The following EBF1 variants were observed in gnomAD, a reference collection of about 807,000 sequenced individuals.
EBF1 encodes transcription factor COE1.
EBF1 carries 10 observed loss-of-function variants against 68.4 expected under a neutral mutation model. The ratio of observed to expected loss-of-function variants is 0.15; its 90% CI spans 0.09 to 0.25. EBF1 has a LOEUF of 0.25. Among genes scored for constraint, EBF1 ranks in the 10% least tolerant of loss-of-function variants. The pLI is 1.00. For missense variants in EBF1, 509 were observed against 794.4 expected (o/e 0.64, Z 4.32); for synonymous variants, 298 against 299.8 (o/e 0.99, Z 0.06).
At chr5:158,790,530 AG>A (rs763059477) in intron 9 of EBF1, among the ~76,000 whole-genome samples, 10 of 152,308 alleles carry the variant, frequency 6.6e-5, no homozygotes, top group Non-Finnish European at 1.3e-4. Context: ...CCTTCACAAA[AG>A]TTTGGGACAT....
At chr5:158,923,581 G>C (rs767829673) in intron 6 of EBF1, among the ~76,000 whole-genome samples, 8 of 152,212 alleles carry the variant, frequency 5.3e-5, no homozygotes, top group Non-Finnish European at 8.8e-5. Flanking sequence ...AAGAATGAAA[G>C]TGCTGGGTGG....
At chr5:158,867,916 T>G (rs764419789) in intron 6 of EBF1, among the ~76,000 whole-genome samples, 24 of 152,242 alleles carry the variant, frequency 1.6e-4, no homozygotes, top group African/African-American at 4.3e-4. Context: ...TGCCTTCATT[T>G]GTTTTTTCTA....
intron 6 of EBF1, among the ~76,000 whole-genome samples, chr5:158,864,482 G>A (rs916231990): frequency 2.6e-5 from 4 of 152,118 alleles, no homozygotes; most frequent in East Asian, 1.9e-4. Context: ...GATCCATTCC[G>A]CAGTGTCCCT....
At chr5:158,990,819 G>A (rs766208081) in intron 6 of EBF1, among the ~76,000 whole-genome samples, 3 of 152,134 alleles carry the variant, frequency 2.0e-5, no homozygotes, top group African/African-American at 7.2e-5. Context: ...GTGATCTGTC[G>A]AGGCTCTTTA....
intron 6 of EBF1, among the ~76,000 whole-genome samples, chr5:158,875,064 C>T (rs1797586400): frequency 1.3e-5 from 2 of 151,076 alleles, no homozygotes; most frequent in African/African-American, 2.4e-5. Flanking sequence ...CATACACACA[C>T]ACACACACAC....
intron 11 of EBF1, among the ~76,000 whole-genome samples, chr5:158,717,136 T>C (rs997940229): frequency 6.6e-6 from 1 of 152,250 alleles, no homozygotes; most frequent in African/African-American, 2.4e-5. Flanking sequence ...ATGTATTGAT[T>C]AAATTTGTAA....
intron 9 of EBF1, among the ~76,000 whole-genome samples, chr5:158,792,357 T>C (rs1778802470): frequency 6.6e-6 from 1 of 152,168 alleles, no homozygotes. Flanking sequence ...AGCAATAAAG[T>C]GCCCCTTTCT....
intron 6 of EBF1, among the ~76,000 whole-genome samples, chr5:158,882,726 T>C (rs543612470): frequency 2.2e-4 from 34 of 152,314 alleles, no homozygotes; most frequent in Non-Finnish European, 1.5e-5. Flanking sequence ...GGAAAGATGG[T>C]AGTCTTTTAA....
rs531692006 is a variant in EBF1 at position 158,798,599 on chromosome 5, A to G, written c.779-2124T>C. Among the ~76,000 whole-genome samples the G allele has an allele frequency of 5.3e-5, 8 of 152,064 alleles. No individual in the cohort carries two copies. The South Asian group carries it at 1.5e-3, about 28-fold the overall frequency. ...CTTGACCCCTTCCCTCTTTTTTCCC[A>G]CTTGTTATACGTAGGATACAGAAGT... On this transcript the variant is annotated intron_variant, in intron 8 of 15. Coordinates refer to ENST00000313708, the MANE Select transcript of EBF1 (RefSeq NM_024007.5).
intron 10 of EBF1, among the ~76,000 whole-genome samples, chr5:158,765,519 G>A (rs757690110): frequency 1.3e-5 from 2 of 152,144 alleles, no homozygotes; most frequent in Non-Finnish European, 2.9e-5. Context: ...GCTAACCACC[G>A]AGGCTGATCC....
At chr5:158,958,676 G>A (rs1817602590) in intron 6 of EBF1, among the ~76,000 whole-genome samples, 1 of 152,012 alleles carries the variant, frequency 6.6e-6, no homozygotes, top group African/African-American at 2.4e-5. Flanking sequence ...TGGTATTATT[G>A]CTTTGCGAAG....
At chr5:159,091,910 CTTTTGTTT>C (rs1481958546) in intron 4 of EBF1, among the ~76,000 whole-genome samples, 9 of 152,152 alleles carry the variant, frequency 5.9e-5, no homozygotes, top group Non-Finnish European at 1.3e-4. Flanking sequence ...CTCAAGCAGG[CTTTTGTTT>C]AGGGGAAGAG....
rs1447536963 is a variant in EBF1, at chr5:158,840,129, T to C, written c.555-19A>G. 1 of 1,601,504 alleles carries C rather than the reference T, an allele frequency of 6.2e-7. No individual in the cohort carries two copies. The highest frequency in any genetic ancestry group is 1.3e-5 in the African/African-American group (1 of 74,604). The stretch of plus-strand genomic sequence containing the variant: ...GAAGAACCTGTGAAGAAACAAATCA[T>C]CATGGTTAGCATTTCGGTTTCTGAC... On this transcript the variant is annotated intron_variant, in intron 6 of 15. Transcript: ENST00000313708.
rs1775219329 is a variant in EBF1, at chr5:158,776,236, CAAACCTGCAT to C, written c.1036+1167_1036+1176del. Among the ~76,000 whole-genome samples the C allele has an allele frequency of 2.6e-5, 4 of 152,048 alleles. No individual in the cohort carries two copies. In the South Asian group the frequency reaches 8.3e-4, roughly 32 times the overall value. ...CTAAAACTAATCGTCAGGCAGGCAC[CAAACCTGCAT>C]TTTGTTTAAAGGGCTGGGAGGCATT... On this transcript the variant is annotated intron_variant, in intron 10 of 15. Transcript: ENST00000313708.
At chr5:159,063,967 C>G (rs181839369) in intron 6 of EBF1, among the ~76,000 whole-genome samples, 1 of 152,172 alleles carries the variant, frequency 6.6e-6, no homozygotes, top group African/African-American at 2.4e-5. Context: ...GGAACTGGAT[C>G]CCTTAGCCAA....
intron 6 of EBF1, among the ~76,000 whole-genome samples, chr5:159,045,914 T>G (rs573902312): frequency 6.6e-6 from 1 of 152,172 alleles, no homozygotes; most frequent in South Asian, 2.1e-4. Context: ...ACAGTTCACC[T>G]TGATTCTCTT....
intron 6 of EBF1, among the ~76,000 whole-genome samples, chr5:158,867,623 G>A (rs905711019): frequency 3.5e-5 from 5 of 143,992 alleles, no homozygotes; most frequent in Admixed American, 2.8e-4. Context: ...TCACAGCTCT[G>A]TGGGCTGAGT....
At chr5:158,826,658 G>A (rs140388163) in intron 7 of EBF1, among the ~76,000 whole-genome samples, 15 of 152,240 alleles carry the variant, frequency 9.9e-5, no homozygotes, top group African/African-American at 3.4e-4. Flanking sequence ...TCTTAATGTG[G>A]CAATCTAGAG....
chr5:158,839,547 A>T (rs1789691867), intron 7 of EBF1, among the ~76,000 whole-genome samples: 1 of 151,874 alleles, frequency 6.6e-6, no homozygotes, highest in Non-Finnish European at 1.5e-5. Flanking sequence ...ACATCCAGCT[A>T]ATTTTTGTAT....
Sources: allele counts gnomAD v4.1 joint callset (sites outside exome capture counted in the v4.1 genomes callset), GRCh38; gene constraint gnomAD v4.1.1; transcripts MANE v1.5; gene names NCBI Gene and HGNC (gene_info 2026-07-23, HGNC 2026-07-21).